The following PKIB variants were observed in gnomAD, a reference collection of about 807,000 sequenced individuals.
PKIB encodes the protein PKI-beta.
Under a neutral mutation model 4.5 loss-of-function variants are expected in PKIB, and 2 were observed. The ratio of observed to expected loss-of-function variants is 0.44; its 90% CI spans 0.18 to 1.39. The LOEUF (loss-of-function observed/expected upper bound fraction) is 1.39. Ranked by LOEUF, PKIB falls within the 40% of genes most tolerant of loss-of-function variation. The pLI is 0.27. For missense variants in PKIB, 94 were observed against 92.6 expected (o/e 1.02, Z -0.06); for synonymous variants, 38 against 36.0 (o/e 1.06, Z -0.20).
intron 3 of PKIB, among the ~76,000 whole-genome samples, chr6:122,715,649 GTA>G (rs138034261): frequency 1.3e-4 from 19 of 146,804 alleles, no homozygotes; most frequent in African/African-American, 2.5e-4. Context: ...GGTATTTTAT[GTA>G]TATATATATA....
intron 2 of PKIB, among the ~76,000 whole-genome samples, chr6:122,490,533 G>C (rs1385715549): frequency 6.6e-6 from 1 of 152,094 alleles, no homozygotes; most frequent in Non-Finnish European, 1.5e-5. Context: ...TCCTCTCGGT[G>C]ATGAGTGAGT....
intron 3 of PKIB, among the ~76,000 whole-genome samples, chr6:122,687,858 C>A (rs1395113987): frequency 6.6e-6 from 1 of 151,926 alleles, no homozygotes; most frequent in Non-Finnish European, 1.5e-5. Flanking sequence ...TTGGTGGAGT[C>A]TTTAGATTTT....
chr6:122,541,234 G>T (rs1777587674), intron 2 of PKIB, among the ~76,000 whole-genome samples: 1 of 152,164 alleles, frequency 6.6e-6, no homozygotes, highest in Non-Finnish European at 1.5e-5. Context: ...TATGATGTTA[G>T]CTGGTTATTT....
intron 2 of PKIB, among the ~76,000 whole-genome samples, chr6:122,569,885 C>G (rs781256582): frequency 6.6e-6 from 1 of 152,202 alleles, no homozygotes; most frequent in Non-Finnish European, 1.5e-5. Flanking sequence ...AGCAGAGACA[C>G]AATTACAGTG....
chr6:122,648,387 T>G (rs1776409013), intron 2 of PKIB, among the ~76,000 whole-genome samples: 1 of 152,186 alleles, frequency 6.6e-6, no homozygotes, highest in Non-Finnish European at 1.5e-5. Flanking sequence ...AGCACATACA[T>G]ATTTAGATTT....
intron 2 of PKIB, chr6:122,484,193 A>G (rs1307210420): frequency 2.0e-5 from 3 of 152,178 alleles, no homozygotes; most frequent in African/African-American, 7.2e-5. Flanking sequence ...AAAAGAAAAA[A>G]AAAACCACTC....
At chr6:122,672,390 C>T (rs956593378) in intron 2 of PKIB, among the ~76,000 whole-genome samples, 2 of 152,206 alleles carry the variant, frequency 1.3e-5, no homozygotes, top group Non-Finnish European at 2.9e-5. Context: ...TTCAACATCT[C>T]TGCTAATTCT....
intron 2 of PKIB, among the ~76,000 whole-genome samples, chr6:122,659,098 A>T (rs1776887436): frequency 6.6e-6 from 1 of 152,072 alleles, no homozygotes; most frequent in Non-Finnish European, 1.5e-5. Flanking sequence ...CTATTTGCAT[A>T]TTTTTACATG....
chr6:122,533,670 G>A (rs768019766), intron 2 of PKIB, among the ~76,000 whole-genome samples: 6 of 152,124 alleles, frequency 3.9e-5, no homozygotes, highest in Non-Finnish European at 8.8e-5. Flanking sequence ...TTTGAGGTGA[G>A]TTTATTTTGA....
At chr6:122,706,767 A>G (rs1207199412) in intron 3 of PKIB, among the ~76,000 whole-genome samples, 1 of 152,192 alleles carries the variant, frequency 6.6e-6, no homozygotes, top group Non-Finnish European at 1.5e-5. Context: ...GCCATTTTTC[A>G]TATCATAAAA....
At chr6:122,532,115 G>T (rs1464451024) in intron 2 of PKIB, among the ~76,000 whole-genome samples, 3 of 152,148 alleles carry the variant, frequency 2.0e-5, no homozygotes, top group Non-Finnish European at 4.4e-5. Context: ...TAATAAACAG[G>T]CAGTAAATGG....
chr6:122,545,744 A>G (rs1031624063), intron 2 of PKIB, among the ~76,000 whole-genome samples: 4 of 151,152 alleles, frequency 2.6e-5, no homozygotes, highest in African/African-American at 7.3e-5. Context: ...GCAACATGCA[A>G]TTTACCCATG....
At chr6:122,598,172 A>G (rs1218720877) in intron 3 of PKIB, among the ~76,000 whole-genome samples, 1 of 152,164 alleles carries the variant, frequency 6.6e-6, no homozygotes, top group African/African-American at 2.4e-5. Context: ...AACTGACTCA[A>G]GTATGGAAAT....
At chr6:122,641,587 A>G (rs2114850133) in intron 2 of PKIB, among the ~76,000 whole-genome samples, 1 of 152,322 alleles carries the variant, frequency 6.6e-6, no homozygotes, top group East Asian at 1.9e-4. Context: ...TTCTGGTGTT[A>G]AAGCCAAATA....
At chr6:122,491,505 G>A (rs1045132731) in intron 2 of PKIB, among the ~76,000 whole-genome samples, 4 of 152,084 alleles carry the variant, frequency 2.6e-5, no homozygotes, top group Non-Finnish European at 4.4e-5. Context: ...CTCCTCCCCC[G>A]CTCATGCCTG....
chr6:122,534,238 CTTTT>C (rs1777340879), intron 2 of PKIB, among the ~76,000 whole-genome samples: 1 of 151,334 alleles, frequency 6.6e-6, no homozygotes, highest in Non-Finnish European at 1.5e-5. Context: ...GCCTAGAGGA[CTTTT>C]CTACACCACA....
chr6:122,501,908 C>A (rs549325111), intron 2 of PKIB, among the ~76,000 whole-genome samples: 4 of 140,592 alleles, frequency 2.8e-5, no homozygotes, highest in African/African-American at 1.0e-4. Flanking sequence ...TAAGCATAGG[C>A]TTTTAGAAGC....
chr6:122,641,115 T>A (rs758624818), intron 2 of PKIB, among the ~76,000 whole-genome samples: 8 of 152,240 alleles, frequency 5.3e-5, no homozygotes, highest in Non-Finnish European at 1.2e-4. Context: ...TATGCATTGT[T>A]CCAGTCTATT....
chr6:122,573,917 G>T (rs1773450295), intron 2 of PKIB, among the ~76,000 whole-genome samples: 1 of 152,168 alleles, frequency 6.6e-6, no homozygotes, highest in African/African-American at 2.4e-5. Flanking sequence ...GGAAGTTTTA[G>T]CCAGAGCTAT....
Sources: gnomAD v4.1 joint callset for allele counts (sites outside exome capture counted in the v4.1 genomes callset) on GRCh38, gnomAD v4.1.1 for gene constraint, MANE v1.5 for transcripts, NCBI Gene and HGNC (gene_info 2026-07-23, HGNC 2026-07-21) for gene names.